Variants in FSBP observed in about 807,000 individuals in gnomAD.
FSBP encodes fibrinogen silencer-binding protein.
Under a neutral mutation model 24.6 loss-of-function variants are expected in FSBP, and 18 were observed. The ratio of observed to expected loss-of-function variants is 0.73; its 90% confidence interval spans 0.51 to 1.08. FSBP has a LOEUF of 1.08. Among genes scored for constraint, FSBP ranks in the 50% least tolerant of loss-of-function variants. The probability of loss-of-function intolerance (pLI) is 0.00; values close to 1 mark genes in which losing one functional copy is unlikely to be tolerated. For missense variants in FSBP, 305 were observed against 347.6 expected, an observed-to-expected ratio of 0.88 and a Z score of 0.98; for synonymous variants, 110 against 125.8, an observed-to-expected ratio of 0.87 and a Z score of 0.84.
chr8:94,429,848 A>C lies in FSBP; in HGVS notation c.*2283T>G. On this transcript the variant is annotated 3_prime_UTR_variant, in exon 2 of 2. Transcript: ENST00000481490. Reference sequence around the variant, plus strand: ...GTCAACATGCTAAAATAGTACCTTGAGTTCATTTTTTTCTATTTCTATAGC... The same window carrying C: ...GTCAACATGCTAAAATAGTACCTTGCGTTCATTTTTTTCTATTTCTATAGC... 1 of 985,368 alleles carries C rather than the reference A, an allele frequency of 1.0e-6. No homozygotes were observed. Among genetic ancestry groups the C allele is most frequent in the Non-Finnish European group, 1.2e-6 (1 of 829,900 alleles). 61.0% of individuals were successfully genotyped at this position (985,368 alleles called of 1,614,324 possible).
Position 94,430,264 on chromosome 8 carries a change from T to A in FSBP, c.*1867A>T, listed in dbSNP as rs568227440. ...AAACGGAGATTGCAGTGAGCCAACA[T>A]CGCACCACTGCACTCCAACCTAGGT... On this transcript the variant is annotated 3_prime_UTR_variant, in exon 2 of 2. Transcript: ENST00000481490. 4.6e-6 allele frequency: 4 copies of A among 860,542 alleles called. No individual in the cohort carries two copies. In the East Asian group the frequency reaches 3.7e-4, roughly 80 times the overall value. 53.3% of individuals were successfully genotyped at this position (860,542 alleles called of 1,614,324 possible).
Position 94,430,096 on chromosome 8 carries a change from G to C in FSBP, c.*2035C>G. On this transcript the variant is annotated 3_prime_UTR_variant, in exon 2 of 2. Coordinates refer to ENST00000481490, the MANE Select transcript of FSBP (RefSeq NM_001256141.2). ...TGGGAGGCCGAGGCGGGCAGATCACGAGGTCAGGAGATCAAGACCATCCTG... is the reference window on the plus strand; with the variant it reads ...TGGGAGGCCGAGGCGGGCAGATCACCAGGTCAGGAGATCAAGACCATCCTG... The C allele has an allele frequency of 1.2e-6, 1 of 843,208 alleles. No homozygotes were observed. Among genetic ancestry groups the C allele is most frequent in the Non-Finnish European group, 1.4e-6 (1 of 700,718 alleles). The allele number at this position is 843,208 out of a possible 1,614,324, so 52.2% of individuals were successfully genotyped here.
chr8:94,432,132 T>C lies in FSBP; in HGVS notation c.899A>G (p.Ter300=). Residue 300 remains the stop codon, a stop_retained_variant, in exon 2 of 2, where the codon TAA becomes TGA. Coordinates refer to ENST00000481490, the MANE Select transcript of FSBP (RefSeq NM_001256141.2). ...RHDLPEYNSL[*] ...AAATTGCAAGATTGAAAAAAAAACT[T>C]AGAGACTGTTATATTCAGGTAGATC... The C allele has an allele frequency of 1.3e-6, 2 of 1,521,196 alleles. No individual in the cohort carries two copies. Among genetic ancestry groups the C allele is most frequent in the South Asian group, 1.3e-5 (1 of 78,594 alleles). The allele number at this position is 1,521,196 out of a possible 1,614,324, so 94.2% of individuals were successfully genotyped here. A position where few individuals can be genotyped will look rare whatever the true frequency, so the allele number is the denominator to read the frequency against.
chr8:94,432,169 G>A lies in FSBP; in HGVS notation c.862C>T (p.Arg288Cys), dbSNP rs948853663. 1.0e-5 allele frequency: 16 copies of A among 1,549,758 alleles called. No individual in the cohort carries two copies. Among genetic ancestry groups the A allele is most frequent in the East Asian group, 4.9e-5 (2 of 40,890 alleles). ...TATTCAGGTAGATCATGCCGTAAGC[G>A]AATTGCTTTCAGCTTCTCCACTTCA... Reference protein sequence around the residue: ...KIEVEKLKAIRLRHDLPEYNS... With the variant: ...KIEVEKLKAICLRHDLPEYNS... Residue 288 changes from arginine (R) to cysteine (C), a missense_variant, in exon 2 of 2, where the codon CGC becomes TGC. By Grantham distance (180) the Arg-to-Cys change is radical (BLOSUM62 -3). Transcript: ENST00000481490.
intron 1 of FSBP, among the ~76,000 whole-genome samples, chr8:94,434,887 ATT>A (rs990055677): frequency 3.3e-5 from 5 of 151,604 alleles, no homozygotes; most frequent in South Asian, 2.1e-4. Context: ...ATCCCAAAAG[ATT>A]TTTTGTGTGT....
Position 94,430,466 on chromosome 8 carries a change from C to G in FSBP, c.*1665G>C. 2.0e-6 allele frequency: 2 copies of G among 983,082 alleles called. No homozygotes were observed. The highest frequency in any genetic ancestry group is 2.4e-6 in the Non-Finnish European group (2 of 827,806). 60.9% of individuals were successfully genotyped at this position (983,082 alleles called of 1,614,324 possible). On this transcript the variant is annotated 3_prime_UTR_variant, in exon 2 of 2. Transcript: ENST00000481490. The stretch of plus-strand genomic sequence containing the variant: ...AGCGAGGTTCCAAAATACTCTGTTT[C>G]ACTGGTTCTCAAACTTTAGCATGCA...
rs1315511797 is a variant in FSBP at position 94,429,783 on chromosome 8, T to A, written c.*2348A>T. The A allele has an allele frequency of 1.0e-6, 1 of 985,204 alleles. No individual in the cohort carries two copies. Among genetic ancestry groups the A allele is most frequent in the African/African-American group, 1.7e-5 (1 of 57,236 alleles). The allele number at this position is 985,204 out of a possible 1,614,324, so 61.0% of individuals were successfully genotyped here. A position where few individuals can be genotyped will look rare whatever the true frequency, so the allele number is the denominator to read the frequency against. ...TTAAAGAAGTTAACTCTACCAGCTATAAAACACCCTCTTTTTAATCCAACC... is the reference window on the plus strand; with the variant it reads ...TTAAAGAAGTTAACTCTACCAGCTAAAAAACACCCTCTTTTTAATCCAACC... On this transcript the variant is annotated 3_prime_UTR_variant, in exon 2 of 2. Coordinates refer to ENST00000481490, the MANE Select transcript of FSBP (RefSeq NM_001256141.2).
Position 94,429,158 on chromosome 8 carries a change from T to C in FSBP, c.*2973A>G. ...TCTGGTGTTTAAAAATATGTAAAAA[T>C]AGGTTTCTTATTGTATACAGCCCCT... On this transcript the variant is annotated 3_prime_UTR_variant, in exon 2 of 2. Coordinates refer to ENST00000481490, the MANE Select transcript of FSBP (RefSeq NM_001256141.2). The C allele has an allele frequency of 1.0e-6, 1 of 963,252 alleles. No homozygotes were observed. Among genetic ancestry groups the C allele is most frequent in the Non-Finnish European group, 1.2e-6 (1 of 809,844 alleles). 59.7% of individuals were successfully genotyped at this position (963,252 alleles called of 1,614,324 possible). A position where few individuals can be genotyped will look rare whatever the true frequency, so the allele number is the denominator to read the frequency against.
chr8:94,436,547 T>C lies in FSBP; in HGVS notation c.322A>G (p.Ile108Val). 1 of 1,550,388 alleles carries C rather than the reference T, an allele frequency of 6.4e-7. No homozygotes were observed. The highest frequency in any genetic ancestry group is 8.7e-7 in the Non-Finnish European group (1 of 1,146,888). ...SEPTKKVMEM[I>V]PQISSFCLVR... The stretch of plus-strand genomic sequence containing the variant: ...AGGCAAAAACTGGAAATCTGGGGAA[T>C]CATCTCCATAACTTTCTTGGTTGGC... Residue 108 changes from isoleucine to valine, a missense_variant, in exon 1 of 2, where the codon ATT becomes GTT. By Grantham distance (29) the Ile-to-Val change is conservative. Coordinates refer to ENST00000481490, the MANE Select transcript of FSBP (RefSeq NM_001256141.2).
intron 1 of FSBP, among the ~76,000 whole-genome samples, chr8:94,433,023 G>A (rs1563655456): frequency 6.6e-6 from 1 of 152,130 alleles, no homozygotes; most frequent in Admixed American, 6.6e-5. Flanking sequence ...GCCATTTAAT[G>A]CATTCTCAGT....
At chr8:94,436,450 T>C (rs766257436) in intron 1 of FSBP, 45 bp downstream of exon 1, 12 of 1,484,588 alleles carry the variant, frequency 8.1e-6, no homozygotes, top group Admixed American at 2.4e-5. Flanking sequence ...GCCCAATAGA[T>C]AGGAGGCGCC....
Position 94,433,219 on chromosome 8 carries a change from C to T in FSBP, c.375-563G>A, listed in dbSNP as rs1011929953. On this transcript the variant is annotated intron_variant, in intron 1 of 1. Coordinates refer to ENST00000481490, the MANE Select transcript of FSBP (RefSeq NM_001256141.2). ...TATGGCTTTGGGATATGCTCAACTA[C>T]TGGAGGTTATCCTAACTTTCTTATT... Among the ~76,000 whole-genome samples the T allele has an allele frequency of 3.3e-5, 5 of 152,196 alleles. 1 individual carries two copies. The highest frequency in any genetic ancestry group is 6.8e-3 in the Middle Eastern group (2 of 294).
In FSBP at chr8:94,429,528, G is replaced by C; in HGVS notation, c.*2603C>G. 5 of 984,416 alleles carry C rather than the reference G, an allele frequency of 5.1e-6. No homozygotes were observed. The highest frequency in any genetic ancestry group is 6.0e-6 in the Non-Finnish European group (5 of 829,106). 61.0% of individuals were successfully genotyped at this position (984,416 alleles called of 1,614,324 possible). On this transcript the variant is annotated 3_prime_UTR_variant, in exon 2 of 2. Coordinates refer to ENST00000481490, the MANE Select transcript of FSBP (RefSeq NM_001256141.2). ...ATTCATTATCAATTCTTAGTAGCATGCTGAAACTGTAAAGTGAATTACATC... is the reference window on the plus strand; with the variant it reads ...ATTCATTATCAATTCTTAGTAGCATCCTGAAACTGTAAAGTGAATTACATC...
At position 94,432,314 on chromosome 8, in the gene FSBP, C is replaced by T. The variant is rs1812120662; in HGVS notation, c.717G>A (p.Leu239=). 2 of 1,550,150 alleles carry T rather than the reference C, an allele frequency of 1.3e-6. No individual in the cohort carries two copies. Among genetic ancestry groups the T allele is most frequent in the Non-Finnish European group, 1.7e-6 (2 of 1,146,848 alleles). ...CTAAAATTATCTGATGCTCCTCTTT[C>T]AACATTTGCAGGATCTGAGGATCAT... The part of the protein sequence containing the change: ...LGYDPQILQM[L]KEEHQIILEN... Residue 239 remains leucine (L), a synonymous_variant, in exon 2 of 2, where the codon TTG becomes TTA. Transcript: ENST00000481490.
upstream of FSBP, chr8:94,436,944 CAG>C (rs1812281780): frequency 6.9e-7 from 1 of 1,451,058 alleles, no homozygotes; most frequent in Non-Finnish European, 9.1e-7. Context: ...TTTTCACAAA[CAG>C]AAAAAGATCA....
At position 94,431,052 on chromosome 8, in the gene FSBP, C is replaced by T; in HGVS notation, c.*1079G>A. Reference sequence around the variant, plus strand: ...ACACCCACCCCATTCTACAACTTGGCTTAAAAATCCCTTCTCAACAAAACC... The same window carrying T: ...ACACCCACCCCATTCTACAACTTGGTTTAAAAATCCCTTCTCAACAAAACC... On this transcript the variant is annotated 3_prime_UTR_variant, in exon 2 of 2. Transcript: ENST00000481490. The T allele has an allele frequency of 1.0e-6, 1 of 985,350 alleles. No homozygotes were observed. 61.0% of individuals were successfully genotyped at this position (985,350 alleles called of 1,614,324 possible).
Position 94,430,936 on chromosome 8 carries a change from T to C in FSBP, c.*1195A>G, listed in dbSNP as rs926001733. 1.8e-5 allele frequency: 18 copies of C among 985,260 alleles called. No homozygotes were observed. The highest frequency in any genetic ancestry group is 3.5e-5 in the African/African-American group (2 of 57,224). 61.0% of individuals were successfully genotyped at this position (985,260 alleles called of 1,614,324 possible). On this transcript the variant is annotated 3_prime_UTR_variant, in exon 2 of 2. Transcript: ENST00000481490. ...GCTTAGCACTGCATTTGTGCTTATA[T>C]ACTCAATCCACTTTTTCCCATTCTT... is the stretch of plus-strand genomic sequence containing the variant.
Position 94,430,768 on chromosome 8 carries a change from T to C in FSBP, c.*1363A>G, listed in dbSNP as rs1357608645. On this transcript the variant is annotated 3_prime_UTR_variant, in exon 2 of 2. Coordinates refer to ENST00000481490, the MANE Select transcript of FSBP (RefSeq NM_001256141.2). ...AATTGGAAGATTCCTCATTAAAAAA[T>C]GCAGATTTCTGGTTTATCCCCGCAT... 1.1e-5 allele frequency: 11 copies of C among 984,292 alleles called. No individual in the cohort carries two copies. Among genetic ancestry groups the C allele is most frequent in the Non-Finnish European group, 1.3e-5 (11 of 829,026 alleles). The allele number at this position is 984,292 out of a possible 1,614,324, so 61.0% of individuals were successfully genotyped here. A position where few individuals can be genotyped will look rare whatever the true frequency, so the allele number is the denominator to read the frequency against.
Position 94,428,460 on chromosome 8 carries a change from C to T in FSBP, c.*3671G>A, listed in dbSNP as rs1178096180. The T allele has an allele frequency of 6.3e-6, 2 of 316,574 alleles. No homozygotes were observed. Among genetic ancestry groups the T allele is most frequent in the African/African-American group, 4.5e-5 (2 of 44,380 alleles). The allele number at this position is 316,574 out of a possible 1,614,324, so 19.6% of individuals were successfully genotyped here. A position where few individuals can be genotyped will look rare whatever the true frequency, so the allele number is the denominator to read the frequency against. ...TATATAAAATGTTTGTATTCACATA[C>T]AATTTACACACATCCTTCCATATAC... On this transcript the variant is annotated 3_prime_UTR_variant, in exon 2 of 2. Coordinates refer to ENST00000481490, the MANE Select transcript of FSBP (RefSeq NM_001256141.2).
Sources: gnomAD v4.1 joint callset for allele counts (sites outside exome capture counted in the v4.1 genomes callset) on GRCh38, gnomAD v4.1.1 for gene constraint, MANE v1.5 for transcripts, NCBI Gene and HGNC (gene_info 2026-07-23, HGNC 2026-07-21) for gene names.